SLAMF1: variants seen among roughly 807,000 people sequenced by gnomAD.
SLAMF1 encodes the protein signaling lymphocytic activation molecule.
SLAMF1 carries 18 observed loss-of-function variants against 35.1 expected under a neutral mutation model. That is an observed-to-expected ratio of 0.51 (90% CI 0.35 to 0.76). The LOEUF is 0.76. SLAMF1 is among the 30% of genes least tolerant of loss of function. SLAMF1 has a pLI of 0.01. For synonymous variants in SLAMF1, 168 were observed against 157.2 expected (o/e 1.07, Z -0.51); for missense variants, 392 against 413.0 (o/e 0.95, Z 0.44).
intron 3 of SLAMF1, among the ~76,000 whole-genome samples, chr1:160,625,299 A>C (rs1408774302): frequency 6.6e-6 from 1 of 152,210 alleles, no homozygotes; most frequent in African/African-American, 2.4e-5. Context: ...GGAAACTTAT[A>C]AGGATGATTG....
intron 1 of SLAMF1, among the ~76,000 whole-genome samples, chr1:160,638,357 A>G (rs1397268558): frequency 6.6e-6 from 1 of 151,926 alleles, no homozygotes; most frequent in Non-Finnish European, 1.5e-5. Flanking sequence ...AAATCAACCT[A>G]CCTACCTGGA....
intron 4 of SLAMF1, 37 bp from the exon 5 acceptor site, chr1:160,619,886 G>C (rs777495856): frequency 7.2e-7 from 1 of 1,394,138 alleles, no homozygotes; most frequent in African/African-American, 1.4e-5. Context: ...TCTCCCTCTG[G>C]TCCCCAGCAG....
At chr1:160,639,843 C>T (rs1660648383) in intron 1 of SLAMF1, among the ~76,000 whole-genome samples, 1 of 152,128 alleles carries the variant, frequency 6.6e-6, no homozygotes, top group South Asian at 2.1e-4. Flanking sequence ...ACTCCATTTC[C>T]TGCCCTCCTC....
At chr1:160,619,253 T>C (rs1031402066) in intron 5 of SLAMF1, among the ~76,000 whole-genome samples, 1 of 152,188 alleles carries the variant, frequency 6.6e-6, no homozygotes, top group African/African-American at 2.4e-5. Flanking sequence ...TTTCCATCCT[T>C]CACTTCTTAG....
At chr1:160,627,540 A>G (rs2102311962) in intron 3 of SLAMF1, among the ~76,000 whole-genome samples, 1 of 152,298 alleles carries the variant, frequency 6.6e-6, no homozygotes, top group Non-Finnish European at 1.5e-5. Flanking sequence ...CTACCTGTAT[A>G]GTAGGCCCAA....
intron 1 of SLAMF1, among the ~76,000 whole-genome samples, chr1:160,638,388 T>G (rs1184523446): frequency 6.6e-6 from 1 of 152,220 alleles, no homozygotes; most frequent in East Asian, 1.9e-4. Context: ...ACATTCCCAC[T>G]TAAGTCGAGC....
At chr1:160,619,095 C>T (rs886915413) in intron 5 of SLAMF1, among the ~76,000 whole-genome samples, 1 of 152,166 alleles carries the variant, frequency 6.6e-6, no homozygotes, top group Admixed American at 6.5e-5. Context: ...ACCTACACCC[C>T]AAATGTCCAG....
chr1:160,610,321 G>A lies in SLAMF1; in HGVS notation c.*427C>T. 2.2e-6 allele frequency: 1 copy of A among 457,436 alleles called. No homozygotes were observed. The allele number at this position is 457,436 out of a possible 1,614,324, so 28.3% of individuals were successfully genotyped here. A position where few individuals can be genotyped will look rare whatever the true frequency, so the allele number is the denominator to read the frequency against. ...TGATCAGCTCCCAGAACAAAGTAAA[G>A]ATAGCCAAAATGTAAACTTTTCCAG... is the stretch of plus-strand genomic sequence containing the variant. On this transcript the variant is annotated 3_prime_UTR_variant, in exon 7 of 7. Transcript: ENST00000302035.
intron 3 of SLAMF1, among the ~76,000 whole-genome samples, chr1:160,629,251 G>A (rs893925668): frequency 6.6e-6 from 1 of 152,142 alleles, no homozygotes; most frequent in Non-Finnish European, 1.5e-5. Flanking sequence ...AAAAGCCAGA[G>A]GGCGTTTTTT....
At chr1:160,616,984 T>C (rs1457639695) in intron 5 of SLAMF1, among the ~76,000 whole-genome samples, 1 of 152,060 alleles carries the variant, frequency 6.6e-6, no homozygotes, top group Non-Finnish European at 1.5e-5. Flanking sequence ...GGTGAAATAC[T>C]GTCTCTACTA....
intron 6 of SLAMF1, among the ~76,000 whole-genome samples, chr1:160,612,244 A>AT (rs1659023042): frequency 2.3e-5 from 2 of 85,722 alleles, no homozygotes; most frequent in Non-Finnish European, 3.4e-5. Flanking sequence ...TTTTTGTTTT[A>AT]ATTTTTTTTT....
chr1:160,623,968 T>C (rs1047020283), intron 4 of SLAMF1, 128 bp downstream of exon 4: 3 of 663,516 alleles, frequency 4.5e-6, no homozygotes, highest in Admixed American at 5.3e-5. Context: ...TATGTTTATC[T>C]ACTATTTTTG....
intron 3 of SLAMF1, among the ~76,000 whole-genome samples, chr1:160,632,607 A>G (rs1463249425): frequency 6.6e-6 from 1 of 152,090 alleles, no homozygotes; most frequent in African/African-American, 2.4e-5. Flanking sequence ...TTTAAACTAC[A>G]TTGAGGAGCA....
At chr1:160,639,430 T>A (rs112242144) in intron 1 of SLAMF1, among the ~76,000 whole-genome samples, 7 of 152,314 alleles carry the variant, frequency 4.6e-5, no homozygotes, top group African/African-American at 1.7e-4. Flanking sequence ...TTTCACCATG[T>A]TGGCCAGGCT....
intron 1 of SLAMF1, among the ~76,000 whole-genome samples, chr1:160,639,626 A>T (rs1660637450): frequency 6.6e-6 from 1 of 151,930 alleles, no homozygotes; most frequent in Non-Finnish European, 1.5e-5. Flanking sequence ...CACCACCATC[A>T]TCCCAGGCCT....
chr1:160,608,299 T>C lies in SLAMF1; in HGVS notation c.*2449A>G, dbSNP rs886325918. The C allele has an allele frequency of 3.3e-5, 5 of 152,268 alleles. No individual in the cohort carries two copies. The highest frequency in any genetic ancestry group is 1.3e-4 in the Admixed American group (2 of 15,282). 9.4% of individuals were successfully genotyped at this position (152,268 alleles called of 1,614,324 possible). A position where few individuals can be genotyped will look rare whatever the true frequency, so the allele number is the denominator to read the frequency against. On this transcript the variant is annotated 3_prime_UTR_variant, in exon 7 of 7. Transcript: ENST00000302035. ...GCCCAGTTGTACTTCAGAACATCAGTCCCTTCAAACCGAGAATGGGTGTGT... is the reference window on the plus strand; with the variant it reads ...GCCCAGTTGTACTTCAGAACATCAGCCCCTTCAAACCGAGAATGGGTGTGT...
At chr1:160,646,666 G>C (rs1661053027) in intron 1 of SLAMF1, among the ~76,000 whole-genome samples, 1 of 152,198 alleles carries the variant, frequency 6.6e-6, no homozygotes, top group Non-Finnish European at 1.5e-5. Flanking sequence ...TGGGGTTGGT[G>C]GGGCTGAGTC....
chr1:160,615,575 C>T (rs1235287473), intron 5 of SLAMF1, among the ~76,000 whole-genome samples: 1 of 152,172 alleles, frequency 6.6e-6, no homozygotes, highest in Non-Finnish European at 1.5e-5. Context: ...AGACATCCTA[C>T]CCAAATATCG....
At chr1:160,634,293 T>C in intron 3 of SLAMF1, 1 of 501,594 alleles carries the variant, frequency 2.0e-6, no homozygotes, top group Non-Finnish European at 2.6e-6. Flanking sequence ...CCCTCCCACC[T>C]GCAATCCCTC....
Sources: allele counts gnomAD v4.1 joint callset (sites outside exome capture counted in the v4.1 genomes callset), GRCh38; gene constraint gnomAD v4.1.1; transcripts MANE v1.5; gene names NCBI Gene and HGNC (gene_info 2026-07-23, HGNC 2026-07-21).